The following STAT5B variants were observed in gnomAD, a reference collection of about 807,000 sequenced individuals.
STAT5B encodes the protein signal transducer and activator of transcription 5B, also known as transcription factor STAT5B.
Under a neutral mutation model 107.8 loss-of-function variants are expected in STAT5B, and 21 were observed. The ratio of observed to expected loss-of-function variants is 0.19; its 90% CI spans 0.14 to 0.28. STAT5B has a LOEUF of 0.28. Among genes scored for constraint, STAT5B ranks in the 10% least tolerant of loss-of-function variants. The pLI, the probability that STAT5B is intolerant of heterozygous loss-of-function variation, is 1.00. For missense variants in STAT5B, 565 were observed against 1,008.2 expected (o/e 0.56, Z 5.95); for synonymous variants, 325 against 401.7 (o/e 0.81, Z 2.28).
intron 1 of STAT5B, among the ~76,000 whole-genome samples, chr17:42,252,013 A>AG (rs1178073354): frequency 5.0e-4 from 76 of 151,780 alleles, no homozygotes; most frequent in African/African-American, 1.8e-3. Flanking sequence ...AAAAAAAAAA[A>AG]GAAAAAAAGA....
At position 42,276,022 on chromosome 17, in the gene STAT5B, C is replaced by A. The variant is rs2080762073; in HGVS notation, c.-11+226G>T. 6.6e-6 allele frequency among the ~76,000 whole-genome samples: 1 copy of A among 151,298 alleles called. No homozygotes were observed. Among genetic ancestry groups the A allele is most frequent in the Non-Finnish European group, 1.5e-5 (1 of 67,706 alleles). On this transcript the variant is annotated intron_variant, in intron 1 of 18. Transcript: ENST00000293328. This position sits in a 1 kb window ranked among gnomAD's most constrained non-coding sequence, Gnocchi z 4.8. ...CCGCGGCGCCGCGGCGTTCGCAAGT[C>A]CCCCTCGCGCACCCCGCATTGCCCT... is the stretch of plus-strand genomic sequence containing the variant.
the STAT5B span, among the ~76,000 whole-genome samples, chr17:42,281,819 C>T: frequency 6.6e-6 from 1 of 152,192 alleles, no homozygotes; most frequent in Non-Finnish European, 1.5e-5. Context: ...TCACTGGGCT[C>T]TCTCCACCCA....
intron 12 of STAT5B, among the ~76,000 whole-genome samples, chr17:42,213,296 T>G (rs1450080760): frequency 1.3e-5 from 2 of 152,140 alleles, no homozygotes; most frequent in East Asian, 3.8e-4. Flanking sequence ...AACTTCTGCC[T>G]CCTTAGCTCA....
intron 5 of STAT5B, 90 bp from the exon 6 acceptor site, chr17:42,219,932 C>A (rs2080210111): frequency 3.1e-6 from 5 of 1,589,758 alleles, no homozygotes; most frequent in African/African-American, 2.7e-5. Flanking sequence ...TGGAGCGAGA[C>A]CCTCCTGGGC....
intron 2 of STAT5B, among the ~76,000 whole-genome samples, 168 bp from the exon 3 acceptor site, chr17:42,227,853 AT>A (rs2080286950): frequency 6.6e-6 from 1 of 152,142 alleles, no homozygotes; most frequent in Non-Finnish European, 1.5e-5. Flanking sequence ...ATGTTAATCT[AT>A]TTGTAATTTA....
In STAT5B at chr17:42,200,934, T is replaced by C. The variant is rs569658173; in HGVS notation, c.*804A>G. 156 of 397,044 alleles carry C rather than the reference T, an allele frequency of 3.9e-4. 2 individuals carry two copies. The highest frequency in any genetic ancestry group is 6.1e-4 in the Non-Finnish European group (137 of 225,672). 24.6% of individuals were successfully genotyped at this position (397,044 alleles called of 1,614,324 possible). The stretch of plus-strand genomic sequence containing the variant: ...CACTCTGGCCAGAACACAAACGGCA[T>C]TGGCACTGTAAGCTCTCAGTTACGT... On this transcript the variant is annotated 3_prime_UTR_variant, in exon 19 of 19. Transcript: ENST00000293328.
At chr17:42,226,487 C>T (rs1232155779) in intron 3 of STAT5B, among the ~76,000 whole-genome samples, 1 of 151,990 alleles carries the variant, frequency 6.6e-6, no homozygotes, top group Non-Finnish European at 1.5e-5. Context: ...GTATTATAAC[C>T]ATGCAAGACA....
At chr17:42,265,374 C>CTTATTTTTTTTTTTTT in intron 1 of STAT5B, among the ~76,000 whole-genome samples, 1 of 99,294 alleles carries the variant, frequency 1.0e-5, no homozygotes, top group African/African-American at 5.0e-5. Flanking sequence ...GGTATGTACT[C>CTTATTTTTTTTTTTTT]TTCTTTTTTT....
intron 1 of STAT5B, among the ~76,000 whole-genome samples, chr17:42,250,286 G>C (rs574686865): frequency 6.6e-6 from 1 of 152,284 alleles, no homozygotes; most frequent in East Asian, 1.9e-4. Context: ...TTTGATGATG[G>C]AGAGTATTTT....
intron 1 of STAT5B, chr17:42,275,210 T>C (rs2080754774): frequency 6.6e-6 from 1 of 152,248 alleles, no homozygotes; most frequent in South Asian, 2.1e-4. Flanking sequence ...GCATCATCGC[T>C]GGGTTCCTTT....
At chr17:42,249,308 G>A (rs1369354442) in intron 1 of STAT5B, among the ~76,000 whole-genome samples, 5 of 152,112 alleles carry the variant, frequency 3.3e-5, no homozygotes, top group Non-Finnish European at 7.4e-5. Flanking sequence ...CAGGAGAATT[G>A]CTTGAACCTG....
intron 1 of STAT5B, among the ~76,000 whole-genome samples, chr17:42,248,377 A>G (rs927675235): frequency 4.3e-5 from 3 of 69,768 alleles, no homozygotes; most frequent in African/African-American, 7.4e-5. Flanking sequence ...CTGCTGGGGA[A>G]AAAAAAAAAA....
chr17:42,253,931 T>A (rs940248678), intron 1 of STAT5B, among the ~76,000 whole-genome samples: 1 of 152,170 alleles, frequency 6.6e-6, no homozygotes, highest in African/African-American at 2.4e-5. Flanking sequence ...ATTTTAAAAA[T>A]AACTTTCATA....
At chr17:42,231,687 G>A (rs565495409) in intron 2 of STAT5B, among the ~76,000 whole-genome samples, 2 of 151,976 alleles carry the variant, frequency 1.3e-5, no homozygotes, top group Non-Finnish European at 2.9e-5. Flanking sequence ...GCATCCCATG[G>A]GCACTCGAAA....
At position 42,206,234 on chromosome 17, in the gene STAT5B, C is replaced by T. The variant is rs139288846; in HGVS notation, c.2077+1324G>A. The stretch of plus-strand genomic sequence containing the variant: ...TCTCCCAAGTAGCTGGAATTACAGG[C>T]GCCCACCACCACACCTGACTACTTT... On this transcript the variant is annotated intron_variant, in intron 16 of 18. Coordinates refer to ENST00000293328, the MANE Select transcript of STAT5B (RefSeq NM_012448.4). 9.4e-3 allele frequency among the ~76,000 whole-genome samples: 1,436 copies of T among 152,120 alleles called. 29 individuals are homozygous for T. Among genetic ancestry groups the T allele is most frequent in the African/African-American group, 0.033 (1,386 of 41,494 alleles).
chr17:42,262,966 G>A (rs868522490), intron 1 of STAT5B, among the ~76,000 whole-genome samples: 8 of 38,754 alleles, frequency 2.1e-4, no homozygotes, highest in Non-Finnish European at 3.7e-4. Context: ...GTGTGTGTGT[G>A]TGTGTATATA....
chr17:42,217,475 G>A lies in STAT5B; in HGVS notation c.1170-11C>T. 6.2e-7 allele frequency: 1 copy of A among 1,614,146 alleles called. No individual in the cohort carries two copies. Among genetic ancestry groups the A allele is most frequent in the South Asian group, 1.1e-5 (1 of 91,086 alleles). On this transcript the variant is annotated splice_polypyrimidine_tract_variant and intron_variant, in intron 9 of 18. Coordinates refer to ENST00000293328, the MANE Select transcript of STAT5B (RefSeq NM_012448.4). ...TCGCCACTGTAATCACTGCAAATCA[G>A]AGAGAGACCAGCTCCAAACCCATGC... is the stretch of plus-strand genomic sequence containing the variant.
In STAT5B at chr17:42,262,942, A is replaced by ATATG. The variant is rs1321227515; in HGVS notation, c.-11+13305_-11+13306insCATA. ...TGTGTGTATATATATATGTATATAT[A>ATATG]TGTGTGTGTGTGTGTGTGTGTGTGT... On this transcript the variant is annotated intron_variant, in intron 1 of 18. Transcript: ENST00000293328. Among the ~76,000 whole-genome samples the ATATG allele has an allele frequency of 9.4e-3, 427 of 45,240 alleles. 14 individuals carry two copies. Among genetic ancestry groups the ATATG allele is most frequent in the Non-Finnish European group, 0.014 (336 of 24,880 alleles). 29.7% of individuals were successfully genotyped at this position (45,240 alleles called of 152,430 possible).
At chr17:42,279,996 C>G (rs1349567047), upstream of STAT5B, among the ~76,000 whole-genome samples, 3 of 152,190 alleles carry the variant, frequency 2.0e-5, no homozygotes, top group East Asian at 5.8e-4. Flanking sequence ...GATGGGAAGG[C>G]CTGACACCTG....
Sources: allele counts gnomAD v4.1 joint callset (sites outside exome capture counted in the v4.1 genomes callset), GRCh38; gene constraint gnomAD v4.1.1; non-coding constraint Gnocchi (gnomAD v3.1); transcripts MANE v1.5; gene names NCBI Gene and HGNC (gene_info 2026-07-23, HGNC 2026-07-21).